Variants in REDIC1 observed in about 807,000 individuals in gnomAD.
REDIC1 encodes the protein regulator of DNA class I crossover intermediates 1.
the REDIC1 span, among the ~76,000 whole-genome samples, chr12:39,653,297 C>T: frequency 1.3e-5 from 2 of 151,894 alleles, no homozygotes; most frequent in Admixed American, 1.3e-4. Context: ...AATGGAATTA[C>T]TTTCCCAATT....
At chr12:39,652,290 TGTTTAA>T in the REDIC1 span, among the ~76,000 whole-genome samples, 1 of 152,156 alleles carries the variant, frequency 6.6e-6, no homozygotes, top group Admixed American at 6.5e-5. Flanking sequence ...GTTAGGTGTA[TGTTTAA>T]GTTTAAAAAA....
At chr12:39,681,479 A>T in the REDIC1 span, among the ~76,000 whole-genome samples, 2,346 of 152,316 alleles carry the variant, frequency 0.015, 55 homozygotes, top group African/African-American at 0.051. Context: ...AGAATAATAA[A>T]AAAAGATTTA....
chr12:39,755,324 A>G, the REDIC1 span: 1 of 152,116 alleles, frequency 6.6e-6, no homozygotes, highest in African/African-American at 2.4e-5. Flanking sequence ...GAAGTATTAA[A>G]TACTATATAA....
At chr12:39,903,350 A>C in the REDIC1 span, among the ~76,000 whole-genome samples, 1 of 152,174 alleles carries the variant, frequency 6.6e-6, no homozygotes, top group Non-Finnish European at 1.5e-5. Context: ...AAAGGTGTAC[A>C]AACATTGAAG....
the REDIC1 span, among the ~76,000 whole-genome samples, chr12:39,639,259 GAATATATAGGGTTCTTTGCTC>G: frequency 6.6e-6 from 1 of 151,866 alleles, no homozygotes; most frequent in Non-Finnish European, 1.5e-5. Context: ...GCATGCAGCA[GAATATATAGGGTTCTTTGCTC>G]AATGAGTTCA....
At chr12:39,648,082 C>A in the REDIC1 span, 1 of 762,678 alleles carries the variant, frequency 1.3e-6, no homozygotes, top group East Asian at 3.3e-5. Flanking sequence ...AATTGCTATA[C>A]ATATAAACAA....
At chr12:39,752,655 A>C in the REDIC1 span, among the ~76,000 whole-genome samples, 1 of 152,190 alleles carries the variant, frequency 6.6e-6, no homozygotes, top group African/African-American at 2.4e-5. Flanking sequence ...CAGGATTTTG[A>C]GCTGAAAATC....
the REDIC1 span, among the ~76,000 whole-genome samples, chr12:39,628,778 T>G: frequency 3.9e-5 from 6 of 152,182 alleles, no homozygotes; most frequent in African/African-American, 1.4e-4. Context: ...GATATTTAAA[T>G]AGGACTTAAT....
At chr12:39,670,733 A>C in the REDIC1 span, among the ~76,000 whole-genome samples, 1 of 117,188 alleles carries the variant, frequency 8.5e-6, no homozygotes, top group South Asian at 2.8e-4. Flanking sequence ...GTCTTTCTAC[A>C]TTTCTTCTTC....
the REDIC1 span, among the ~76,000 whole-genome samples, chr12:39,854,635 C>T: frequency 6.6e-6 from 1 of 152,174 alleles, no homozygotes; most frequent in African/African-American, 2.4e-5. Flanking sequence ...AAAACTCACA[C>T]AGAAAACTCT....
At chr12:39,706,203 TC>T in the REDIC1 span, among the ~76,000 whole-genome samples, 1 of 151,884 alleles carries the variant, frequency 6.6e-6, no homozygotes, top group Non-Finnish European at 1.5e-5. Flanking sequence ...TTAAAGTAGT[TC>T]CATTTACAGT....
chr12:39,847,954 A>G, the REDIC1 span, among the ~76,000 whole-genome samples: 16 of 152,178 alleles, frequency 1.1e-4, no homozygotes, highest in South Asian at 1.0e-3. Context: ...ATGAGAGGCT[A>G]TATCTCATGC....
the REDIC1 span, chr12:39,871,692 T>G: frequency 1.7e-6 from 2 of 1,158,038 alleles, no homozygotes; most frequent in Non-Finnish European, 2.3e-6. Flanking sequence ...GTTGTTTGGC[T>G]GAGAAACCAA....
At chr12:39,895,778 GTGTATA>G in the REDIC1 span, among the ~76,000 whole-genome samples, 139 of 84,178 alleles carry the variant, frequency 1.7e-3, 54 homozygotes, top group Non-Finnish European at 2.3e-3. Flanking sequence ...ATGTATATGC[GTGTATA>G]CGTACACACA....
chr12:39,793,264 G>T, the REDIC1 span, among the ~76,000 whole-genome samples: 1 of 152,082 alleles, frequency 6.6e-6, no homozygotes, highest in Admixed American at 6.6e-5. Flanking sequence ...AAATGTTTAG[G>T]AAGAAATCTG....
At chr12:39,700,407 G>T in the REDIC1 span, among the ~76,000 whole-genome samples, 1 of 152,130 alleles carries the variant, frequency 6.6e-6, no homozygotes, top group Admixed American at 6.5e-5. Context: ...AAAGCAACGA[G>T]CAAAGCCTCC....
chr12:39,721,361 A>G, the REDIC1 span: 10 of 866,838 alleles, frequency 1.2e-5, no homozygotes, highest in Admixed American at 2.2e-4. Flanking sequence ...GTAGCTAAGC[A>G]TAAGCTGACA....
chr12:39,711,533 A>G, the REDIC1 span, among the ~76,000 whole-genome samples: 2 of 135,532 alleles, frequency 1.5e-5, no homozygotes, highest in African/African-American at 2.7e-5. Flanking sequence ...ATATGTGTAT[A>G]TACATATATG....
At chr12:39,805,075 C>A in the REDIC1 span, among the ~76,000 whole-genome samples, 1 of 8,718 alleles carries the variant, frequency 1.1e-4, no homozygotes, top group East Asian at 4.5e-3. Context: ...GCCTGCTGGG[C>A]AGGCAAGAAC....
Sources: allele counts gnomAD v4.1 joint callset (sites outside exome capture counted in the v4.1 genomes callset), GRCh38; gene constraint gnomAD v4.1.1; transcripts MANE v1.5; gene names NCBI Gene and HGNC (gene_info 2026-07-23, HGNC 2026-07-21).